The following TUBB6 variants were observed in gnomAD, a reference collection of about 807,000 sequenced individuals.
The protein encoded by TUBB6 is tubulin beta 6 class V.
TUBB6 carries 18 observed loss-of-function variants against 32.3 expected under a neutral mutation model. The observed-to-expected ratio is 0.56, with a 90% CI of 0.39 to 0.83. The LOEUF is 0.83. Ranked by LOEUF, TUBB6 falls within the 40% of genes least tolerant of loss-of-function variation. The pLI is 0.00. For missense variants in TUBB6, 480 were observed against 632.0 expected (o/e 0.76, Z 2.58); for synonymous variants, 280 against 265.8 (o/e 1.05, Z -0.52).
chr18:12,316,223 G>A lies in TUBB6; in HGVS notation c.277+5170G>A, dbSNP rs145181773. On this transcript the variant is annotated intron_variant, in intron 3 of 3. Coordinates refer to ENST00000317702, the MANE Select transcript of TUBB6 (RefSeq NM_032525.3). ...GTGCATCACAAACTATTGAAGTGGT[G>A]AGAAGCTAGTTTCTCACAGCTGCCA... 7.9e-3 allele frequency among the ~76,000 whole-genome samples: 1,206 copies of A among 152,342 alleles called. 15 individuals carry two copies. Among genetic ancestry groups the A allele is most frequent in the African/African-American group, 0.027 (1,136 of 41,570 alleles).
At chr18:12,308,402 C>A in intron 1 of TUBB6, 53 bp downstream of exon 1, 1 of 1,274,380 alleles carries the variant, frequency 7.8e-7, no homozygotes, top group Non-Finnish European at 1.0e-6. Context: ...TGGCGGGCCC[C>A]GGGTCTCCCG....
At chr18:12,328,151 C>T (rs888385969), downstream of TUBB6, among the ~76,000 whole-genome samples, 1 of 152,188 alleles carries the variant, frequency 6.6e-6, no homozygotes, top group Non-Finnish European at 1.5e-5. Context: ...CACGGCCTGC[C>T]GGGGACAGGT....
In TUBB6 at chr18:12,324,445, C is replaced by CTTTT. The variant is rs201642073; in HGVS notation, c.278-610_278-607dup. Among the ~76,000 whole-genome samples the CTTTT allele has an allele frequency of 2.2e-4, 32 of 144,334 alleles. 2 individuals are homozygous for CTTTT. Among genetic ancestry groups the CTTTT allele is most frequent in the Non-Finnish European group, 3.3e-4 (22 of 66,574 alleles). The allele number at this position is 144,334 out of a possible 152,430, so 94.7% of individuals were successfully genotyped here. On this transcript the variant is annotated intron_variant, in intron 3 of 3. Transcript: ENST00000317702. ...GATTCAGAAAGCCCAAAGGAGAGAA[C>CTTTT]TTTTTTTTTTTTTTTGAGCTGTAGT... is the stretch of plus-strand genomic sequence containing the variant.
At chr18:12,315,196 C>T (rs1906607105) in intron 3 of TUBB6, among the ~76,000 whole-genome samples, 1 of 152,032 alleles carries the variant, frequency 6.6e-6, no homozygotes, top group African/African-American at 2.4e-5. Context: ...TTCTAAAATC[C>T]ATAATTTTTA....
At chr18:12,328,669 A>G (rs1907413239), downstream of TUBB6, among the ~76,000 whole-genome samples, 3 of 152,210 alleles carry the variant, frequency 2.0e-5, no homozygotes, top group Admixed American at 2.0e-4. Flanking sequence ...GGTGTGGCCA[A>G]CATCTGGCCA....
In TUBB6 at chr18:12,326,052, G is replaced by A. The variant is rs565791906; in HGVS notation, c.1263G>A (p.Glu421=). The change falls in exon 4 of 4, where the codon GAG becomes GAA. Residue 421 remains glutamate (E), a synonymous_variant. Coordinates refer to ENST00000317702, the MANE Select transcript of TUBB6 (RefSeq NM_032525.3). ...GCAACATGAACGACCTGGTATCCGAGTACCAGCAGTACCAGGATGCCACCG... is the reference window on the plus strand; with the variant it reads ...GCAACATGAACGACCTGGTATCCGAATACCAGCAGTACCAGGATGCCACCG... ...AESNMNDLVS[E]YQQYQDATAN... The A allele has an allele frequency of 8.1e-5, 131 of 1,614,184 alleles. No individual in the cohort carries two copies. The South Asian group carries it at 1.3e-3, about 16-fold the overall frequency.
In TUBB6 at chr18:12,310,935, T is replaced by C. The variant is rs912709765; in HGVS notation, c.167-8T>C. 3 of 1,592,320 alleles carry C rather than the reference T, an allele frequency of 1.9e-6. No homozygotes were observed. Among genetic ancestry groups the C allele is most frequent in the Non-Finnish European group, 2.6e-6 (3 of 1,171,012 alleles). On this transcript the variant is annotated splice_region_variant and splice_polypyrimidine_tract_variant and intron_variant, in intron 2 of 3. Transcript: ENST00000317702. ...GTAACTCTTGTGGGTGGTTCTTTTC[T>C]CCTCCAGCTCAGAAATATGTGCCCA... is the stretch of plus-strand genomic sequence containing the variant.
chr18:12,312,036 A>G (rs1331305840), intron 3 of TUBB6, among the ~76,000 whole-genome samples: 1 of 152,242 alleles, frequency 6.6e-6, no homozygotes, highest in Non-Finnish European at 1.5e-5. Flanking sequence ...TAAAAGCACT[A>G]TGGTGTAGGA....
rs772681424 is a variant in TUBB6 at position 12,324,993 on chromosome 18, C to T, written c.278-74C>T. On this transcript the variant is annotated intron_variant, in intron 3 of 3. Transcript: ENST00000317702. ...ACATCATGGAATCACTTCACACCCT[C>T]CTTGTCGGTGACCAAGCATGGTGAT... The T allele has an allele frequency of 1.1e-5, 16 of 1,522,146 alleles. No homozygotes were observed. In the East Asian group the frequency reaches 1.4e-4, roughly 13 times the overall value. 94.3% of individuals were successfully genotyped at this position (1,522,146 alleles called of 1,614,324 possible). A position where few individuals can be genotyped will look rare whatever the true frequency, so the allele number is the denominator to read the frequency against.
chr18:12,326,239 G>C lies in TUBB6; in HGVS notation c.*109G>C. The C allele has an allele frequency of 7.0e-7, 1 of 1,433,866 alleles. No homozygotes were observed. Among genetic ancestry groups the C allele is most frequent in the Non-Finnish European group, 9.2e-7 (1 of 1,086,712 alleles). The allele number at this position is 1,433,866 out of a possible 1,614,324, so 88.8% of individuals were successfully genotyped here. A position where few individuals can be genotyped will look rare whatever the true frequency, so the allele number is the denominator to read the frequency against. ...ATGGTGCACTGGTTTAATTGTGTTG[G>C]TGTCGGCCCCTCACAAATGCAGCCA... On this transcript the variant is annotated 3_prime_UTR_variant, in exon 4 of 4. Coordinates refer to ENST00000317702, the MANE Select transcript of TUBB6 (RefSeq NM_032525.3).
Position 12,326,043 on chromosome 18 carries a change from G to C in TUBB6, c.1254G>C (p.Leu418=). 3 of 1,614,152 alleles carry C rather than the reference G, an allele frequency of 1.9e-6. No homozygotes were observed. The highest frequency in any genetic ancestry group is 2.5e-6 in the Non-Finnish European group (3 of 1,180,040). ...AGGCGGAGAGCAACATGAACGACCT[G>C]GTATCCGAGTACCAGCAGTACCAGG... ...FTEAESNMND[L]VSEYQQYQDA... Residue 418 remains leucine (L), a synonymous_variant, in exon 4 of 4, where the codon CTG becomes CTC. Transcript: ENST00000317702.
chr18:12,326,104 G>T lies in TUBB6; in HGVS notation c.1315G>T (p.Asp439Tyr). 5.6e-6 allele frequency: 9 copies of T among 1,613,870 alleles called. No homozygotes were observed. The highest frequency in any genetic ancestry group is 7.6e-6 in the Non-Finnish European group (9 of 1,179,846). The change falls in exon 4 of 4, where the codon GAT becomes TAT. Residue 439 changes from aspartate (D) to tyrosine (Y), a missense_variant. Transcript: ENST00000317702. ...CAATGACGGGGAGGAAGCTTTTGAGGATGAGGAAGAGGAGATCGATGGATA... is the reference window on the plus strand; with the variant it reads ...CAATGACGGGGAGGAAGCTTTTGAGTATGAGGAAGAGGAGATCGATGGATA... ...TANDGEEAFE[D>Y]EEEEIDG
downstream of TUBB6, among the ~76,000 whole-genome samples, chr18:12,328,159 G>A (rs1568129808): frequency 6.6e-6 from 1 of 152,260 alleles, no homozygotes; most frequent in Non-Finnish European, 1.5e-5. Context: ...GCCGGGGACA[G>A]GTGGGTATCT....
chr18:12,319,448 G>A (rs1906861687), intron 3 of TUBB6, among the ~76,000 whole-genome samples: 1 of 151,926 alleles, frequency 6.6e-6, no homozygotes, highest in Admixed American at 6.6e-5. Flanking sequence ...GCCCGGCCCT[G>A]CTGACATTTT....
intron 3 of TUBB6, among the ~76,000 whole-genome samples, chr18:12,324,417 T>C (rs1907154890): frequency 6.7e-6 from 1 of 148,588 alleles, no homozygotes; most frequent in South Asian, 2.1e-4. Flanking sequence ...TAGTACAGTA[T>C]AAGATTCAGA....
chr18:12,329,326 G>A, downstream of TUBB6: 2 of 675,242 alleles, frequency 3.0e-6, no homozygotes, highest in Admixed American at 2.2e-5. Context: ...CAGCACGTCT[G>A]GGAGCCCAAT....
At chr18:12,328,022 C>T (rs1479807551), downstream of TUBB6, among the ~76,000 whole-genome samples, 2 of 152,232 alleles carry the variant, frequency 1.3e-5, no homozygotes, top group African/African-American at 4.8e-5. Context: ...GGGCACCTCC[C>T]AAAAACACCC....
intron 3 of TUBB6, among the ~76,000 whole-genome samples, chr18:12,322,356 C>CT (rs1190247505): frequency 0.013 from 1,811 of 139,516 alleles, 15 homozygotes; most frequent in Non-Finnish European, 0.015. Context: ...ATTGAAAATA[C>CT]TTTTTTTTTT....
chr18:12,310,917 T>G (rs1216769576), intron 2 of TUBB6, 26 bp from the exon 3 acceptor site: 8 of 1,536,320 alleles, frequency 5.2e-6, no homozygotes, highest in Non-Finnish European at 5.3e-6. Context: ...AAAGTAACTC[T>G]TGTGGGTGGT....
Sources: gnomAD v4.1 joint callset for allele counts (sites outside exome capture counted in the v4.1 genomes callset) on GRCh38, gnomAD v4.1.1 for gene constraint, MANE v1.5 for transcripts, NCBI Gene and HGNC (gene_info 2026-07-23, HGNC 2026-07-21) for gene names.